The following PTPRR variants were observed in gnomAD, a reference collection of about 807,000 sequenced individuals.
The protein encoded by PTPRR is protein tyrosine phosphatase receptor type R.
A neutral mutation model predicts 77.2 loss-of-function variants in PTPRR; 38 were observed. The observed-to-expected ratio is 0.49, with a 90% CI of 0.38 to 0.65. The LOEUF is 0.65. Ranked by LOEUF, PTPRR falls within the 30% of genes least tolerant of loss-of-function variation. PTPRR has a pLI of 0.00. For synonymous variants in PTPRR, 299 were observed against 283.1 expected (o/e 1.06, Z -0.57); for missense variants, 744 against 799.2 (o/e 0.93, Z 0.83).
intron 2 of PTPRR, among the ~76,000 whole-genome samples, chr12:70,825,331 A>G (rs1459370947): frequency 1.3e-5 from 2 of 152,176 alleles, no homozygotes; most frequent in African/African-American, 4.8e-5. Flanking sequence ...GTTACTTGTC[A>G]AAATTCACTT....
intron 2 of PTPRR, among the ~76,000 whole-genome samples, chr12:70,809,901 T>C (rs1438700426): frequency 6.6e-6 from 1 of 152,216 alleles, no homozygotes; most frequent in Non-Finnish European, 1.5e-5. Flanking sequence ...ACTTTTCCCT[T>C]GTTGATATAT....
intron 2 of PTPRR, among the ~76,000 whole-genome samples, chr12:70,856,198 T>C (rs1264449350): frequency 6.6e-6 from 1 of 152,308 alleles, no homozygotes; most frequent in Non-Finnish European, 1.5e-5. Context: ...TCTGGAAATA[T>C]ACTGATGAAA....
At chr12:70,721,271 A>T (rs1001160220) in intron 6 of PTPRR, among the ~76,000 whole-genome samples, 1 of 152,216 alleles carries the variant, frequency 6.6e-6, no homozygotes, top group Non-Finnish European at 1.5e-5. Context: ...TTAGAGTCTG[A>T]GTCAGTCAAC....
At chr12:70,899,469 A>C (rs1893492734) in intron 1 of PTPRR, among the ~76,000 whole-genome samples, 1 of 151,452 alleles carries the variant, frequency 6.6e-6, no homozygotes, top group South Asian at 2.1e-4. Context: ...AAGAGGAAAA[A>C]TAATAGTCAT....
intron 4 of PTPRR, among the ~76,000 whole-genome samples, chr12:70,755,450 ATATTT>A (rs1484575280): frequency 6.6e-6 from 1 of 152,176 alleles, no homozygotes; most frequent in Non-Finnish European, 1.5e-5. Context: ...ACCTTGAAAA[ATATTT>A]TATGAGAACT....
intron 2 of PTPRR, among the ~76,000 whole-genome samples, chr12:70,838,766 A>T (rs1892346116): frequency 6.6e-6 from 1 of 152,126 alleles, no homozygotes; most frequent in East Asian, 1.9e-4. Flanking sequence ...AATGAATCAA[A>T]ATTAGGAAAA....
intron 8 of PTPRR, among the ~76,000 whole-genome samples, chr12:70,697,345 G>C (rs1352658164): frequency 2.0e-5 from 3 of 152,034 alleles, no homozygotes; most frequent in Non-Finnish European, 4.4e-5. Flanking sequence ...TAATATGCTT[G>C]TTGGTCATTT....
At chr12:70,888,029 T>TGTCTGTGTGTGTGG (rs1244417024) in intron 2 of PTPRR, among the ~76,000 whole-genome samples, 1 of 151,658 alleles carries the variant, frequency 6.6e-6, no homozygotes, top group Non-Finnish European at 1.5e-5. Flanking sequence ...TGTGTGTGTG[T>TGTCTGTGTGTGTGG]GGGTGTGTGT....
At chr12:70,705,153 G>T (rs1888571945) in intron 6 of PTPRR, among the ~76,000 whole-genome samples, 3 of 152,088 alleles carry the variant, frequency 2.0e-5, no homozygotes, top group South Asian at 4.2e-4. Context: ...TATGGGCCAG[G>T]GCGACACATC....
At chr12:70,763,949 T>A (rs149919399) in intron 3 of PTPRR, among the ~76,000 whole-genome samples, 2 of 151,944 alleles carry the variant, frequency 1.3e-5, no homozygotes, top group African/African-American at 4.8e-5. Flanking sequence ...AAATAATGGA[T>A]GTGGGTGATT....
intron 2 of PTPRR, among the ~76,000 whole-genome samples, chr12:70,886,223 C>T (rs559851847): frequency 2.0e-5 from 3 of 152,260 alleles, no homozygotes; most frequent in African/African-American, 7.2e-5. Flanking sequence ...AGCTCAAGAA[C>T]GGAATTTCTA....
At chr12:70,810,214 C>A (rs1319174968) in intron 2 of PTPRR, among the ~76,000 whole-genome samples, 1 of 152,008 alleles carries the variant, frequency 6.6e-6, no homozygotes, top group African/African-American at 2.4e-5. Context: ...GCTCTGTCCC[C>A]AAAAAAACCT....
At chr12:70,843,144 C>T (rs1220850825) in intron 2 of PTPRR, among the ~76,000 whole-genome samples, 1 of 152,130 alleles carries the variant, frequency 6.6e-6, no homozygotes, top group Non-Finnish European at 1.5e-5. Context: ...ACACTGAGAA[C>T]AGAGGCTGGC....
rs372740904 is a variant in PTPRR, at chr12:70,842,254, T to C, written c.357+50425A>G. 6.6e-5 allele frequency among the ~76,000 whole-genome samples: 10 copies of C among 152,354 alleles called. No homozygotes were observed. The East Asian group carries it at 1.3e-3, about 21-fold the overall frequency. Reference sequence around the variant, plus strand: ...TAATCAGATCTGTAGAATTATTGAATTCCTCAAATACTGTTCTTTTGGAAC... The same window carrying C: ...TAATCAGATCTGTAGAATTATTGAACTCCTCAAATACTGTTCTTTTGGAAC... On this transcript the variant is annotated intron_variant, in intron 2 of 13. Transcript: ENST00000283228.
chr12:70,738,561 T>A (rs1279262992), intron 6 of PTPRR, among the ~76,000 whole-genome samples: 5 of 152,232 alleles, frequency 3.3e-5, no homozygotes, highest in Non-Finnish European at 7.3e-5. Flanking sequence ...GTTGATTTCC[T>A]TTCCATAAAA....
At chr12:70,715,602 C>A (rs1888996542) in intron 6 of PTPRR, among the ~76,000 whole-genome samples, 1 of 152,148 alleles carries the variant, frequency 6.6e-6, no homozygotes, top group Non-Finnish European at 1.5e-5. Flanking sequence ...AGAGACCCAC[C>A]CCCAGGCGCG....
At chr12:70,675,710 TG>T in intron 10 of PTPRR, among the ~76,000 whole-genome samples, 1 of 152,146 alleles carries the variant, frequency 6.6e-6, no homozygotes, top group Middle Eastern at 3.4e-3. Context: ...GTAGTTGTTT[TG>T]GTAAGATTTT....
chr12:70,834,927 G>A lies in PTPRR; in HGVS notation c.357+57752C>T, dbSNP rs74102023. Among the ~76,000 whole-genome samples, 316 of 152,146 alleles carry A rather than the reference G, an allele frequency of 2.1e-3. 2 individuals carry two copies. The highest frequency in any genetic ancestry group is 7.5e-3 in the African/African-American group (313 of 41,528). On this transcript the variant is annotated intron_variant, in intron 2 of 13. Transcript: ENST00000283228. ...ACAATATGTCTACGATTAGTTGTGG[G>A]GATGATTTAATGAAAAGAGCATTGA...
intron 10 of PTPRR, among the ~76,000 whole-genome samples, chr12:70,664,025 C>A (rs1886889344): frequency 6.6e-6 from 1 of 152,206 alleles, no homozygotes; most frequent in South Asian, 2.1e-4. Context: ...TACCACTACT[C>A]TACAAGCTAG....
Sources: gnomAD v4.1 joint callset for allele counts (sites outside exome capture counted in the v4.1 genomes callset) on GRCh38, gnomAD v4.1.1 for gene constraint, MANE v1.5 for transcripts, NCBI Gene and HGNC (gene_info 2026-07-23, HGNC 2026-07-21) for gene names.